The following INTS13 variants were observed in gnomAD, a reference collection of about 807,000 sequenced individuals.
INTS13 encodes asunder, spermatogenesis regulator homolog (Drosphila).
INTS13 carries 35 observed loss-of-function variants against 90.2 expected under a neutral mutation model. That is an observed-to-expected ratio of 0.39 (90% CI 0.30 to 0.51). INTS13 has a LOEUF of 0.51. INTS13 is among the 20% of genes least tolerant of loss of function. The probability of loss-of-function intolerance (pLI) is 0.80; values close to 1 mark genes in which losing one functional copy is unlikely to be tolerated. For synonymous variants in INTS13, 309 were observed against 277.1 expected (o/e 1.11, Z -1.14); for missense variants, 601 against 851.2 (o/e 0.71, Z 3.66).
intron 11 of INTS13, among the ~76,000 whole-genome samples, chr12:26,914,920 T>C (rs977731879): frequency 9.2e-5 from 14 of 152,108 alleles, no homozygotes; most frequent in African/African-American, 3.4e-4. Context: ...AGAAGACCCA[T>C]TTGCTTATTT....
At chr12:26,935,422 C>G (rs1011410143) in intron 2 of INTS13, among the ~76,000 whole-genome samples, 2 of 152,160 alleles carry the variant, frequency 1.3e-5, no homozygotes, top group African/African-American at 4.8e-5. Flanking sequence ...CGATGAAATA[C>G]CAGTTTTCCT....
intron 3 of INTS13, among the ~76,000 whole-genome samples, chr12:26,931,452 T>TAAAAGA (rs113740083): frequency 0.83 from 125,365 of 151,056 alleles, 52,407 homozygotes; most frequent in East Asian, 1. Flanking sequence ...TCAAAATAAA[T>TAAAAGA]AAAAGAAAAA....
In INTS13 at chr12:26,905,378, A is replaced by C; in HGVS notation, c.*119T>G. 1 of 855,526 alleles carries C rather than the reference A, an allele frequency of 1.2e-6. No individual in the cohort carries two copies. Among genetic ancestry groups the C allele is most frequent in the South Asian group, 1.7e-5 (1 of 57,894 alleles). The allele number at this position is 855,526 out of a possible 1,614,324, so 53.0% of individuals were successfully genotyped here. A position where few individuals can be genotyped will look rare whatever the true frequency, so the allele number is the denominator to read the frequency against. ...ACAAAAATGACAGCTGAAATATTTTAAAAATGTAAAAACCAGTCCAGGCAA... is the reference window on the plus strand; with the variant it reads ...ACAAAAATGACAGCTGAAATATTTTCAAAATGTAAAAACCAGTCCAGGCAA... On this transcript the variant is annotated 3_prime_UTR_variant, in exon 17 of 17. Transcript: ENST00000261191.
chr12:26,937,141 G>A (rs1191632479), intron 1 of INTS13, among the ~76,000 whole-genome samples: 2 of 152,126 alleles, frequency 1.3e-5, no homozygotes, highest in East Asian at 3.9e-4. Context: ...TTACATATAC[G>A]AAACATAAGT....
chr12:26,916,754 C>T (rs1016329648), intron 10 of INTS13, among the ~76,000 whole-genome samples: 1 of 152,124 alleles, frequency 6.6e-6, no homozygotes, highest in Non-Finnish European at 1.5e-5. Context: ...CTGAGATGAT[C>T]ATAAGAATTA....
intron 8 of INTS13, among the ~76,000 whole-genome samples, chr12:26,921,775 C>T (rs917517160): frequency 2.0e-5 from 3 of 152,102 alleles, no homozygotes; most frequent in Admixed American, 1.3e-4. Context: ...CCTGCTTGAG[C>T]CTCACACGTA....
chr12:26,923,755 G>A (rs187606564), intron 7 of INTS13, among the ~76,000 whole-genome samples: 1 of 152,240 alleles, frequency 6.6e-6, no homozygotes, highest in Non-Finnish European at 1.5e-5. Flanking sequence ...TTAAAACTAT[G>A]AGCTATTTTC....
At position 26,917,450 on chromosome 12, in the gene INTS13, G is replaced by A; in HGVS notation, c.980-9C>T. 4.9e-6 allele frequency: 7 copies of A among 1,433,752 alleles called. No homozygotes were observed. Among genetic ancestry groups the A allele is most frequent in the Non-Finnish European group, 5.8e-6 (6 of 1,035,952 alleles). The allele number at this position is 1,433,752 out of a possible 1,614,324, so 88.8% of individuals were successfully genotyped here. ...AGTACAATAGTGTAATTCTGAAATA[G>A]AAGAAAACACTGATTTGAAAGAATA... On this transcript the variant is annotated splice_polypyrimidine_tract_variant and intron_variant, in intron 9 of 16. Transcript: ENST00000261191.
At chr12:26,908,925 T>C (rs894350797) in intron 15 of INTS13, among the ~76,000 whole-genome samples, 2 of 152,228 alleles carry the variant, frequency 1.3e-5, no homozygotes, top group African/African-American at 2.4e-5. Flanking sequence ...TAATGATAGC[T>C]GATATTTCAT....
intron 10 of INTS13, 26 bp downstream of exon 10, chr12:26,917,326 C>A: frequency 2.2e-6 from 2 of 907,214 alleles, no homozygotes; most frequent in South Asian, 2.3e-5. Flanking sequence ...TAATTTCAGT[C>A]AAAACCATTA....
At chr12:26,919,196 A>AG (rs1348565155) in intron 8 of INTS13, 5 of 156,090 alleles carry the variant, frequency 3.2e-5, no homozygotes, top group Non-Finnish European at 7.1e-5. Context: ...AGAAAAAAAA[A>AG]AAGAAGAAGA....
At chr12:26,932,629 C>A (rs1938257077) in intron 3 of INTS13, among the ~76,000 whole-genome samples, 1 of 152,200 alleles carries the variant, frequency 6.6e-6, no homozygotes, top group Non-Finnish European at 1.5e-5. Flanking sequence ...TCTGTGCTGT[C>A]CAATACAGTA....
At position 26,916,160 on chromosome 12, in the gene INTS13, G is replaced by T. The variant is rs772226807; in HGVS notation, c.1090C>A (p.Gln364Lys). The part of the protein sequence containing the change: ...LLNGRSVLLE[Q>K]PRKSGSKVIS... ...ACTTTAGAACCTGACTTTCGTGGTT[G>T]TTCCAATAAAACAGAACGACCTGTC... is the stretch of plus-strand genomic sequence containing the variant. The change falls in exon 11 of 17, where the codon CAA (glutamine) becomes AAA (lysine). Residue 364 changes from glutamine (Q) to lysine (K), a missense_variant. Gln to Lys is a moderately conservative substitution (Grantham distance 53). Transcript: ENST00000261191. 6.2e-7 allele frequency: 1 copy of T among 1,610,804 alleles called. No individual in the cohort carries two copies. The highest frequency in any genetic ancestry group is 8.5e-7 in the Non-Finnish European group (1 of 1,178,824).
At chr12:26,933,550 C>T (rs1938309530) in intron 3 of INTS13, among the ~76,000 whole-genome samples, 1 of 152,100 alleles carries the variant, frequency 6.6e-6, no homozygotes. Flanking sequence ...CCCAAAGTAT[C>T]AGCAAGGGGC....
Position 26,910,754 on chromosome 12 carries a change from A to C in INTS13, c.1945+424T>G, listed in dbSNP as rs552935015. ...AGGTTGTAAACAGAGAATGTCCTAAACAACACCCACAAATACTTAAGAACT... is the reference window on the plus strand; with the variant it reads ...AGGTTGTAAACAGAGAATGTCCTAACCAACACCCACAAATACTTAAGAACT... On this transcript the variant is annotated intron_variant, in intron 15 of 16. Coordinates refer to ENST00000261191, the MANE Select transcript of INTS13 (RefSeq NM_018164.3). 3.9e-5 allele frequency among the ~76,000 whole-genome samples: 6 copies of C among 152,308 alleles called. No homozygotes were observed. The East Asian group carries it at 1.2e-3, about 29-fold the overall frequency.
chr12:26,906,257 T>A, intron 16 of INTS13, 45 bp downstream of exon 16: 9 of 1,545,676 alleles, frequency 5.8e-6, no homozygotes, highest in Non-Finnish European at 7.9e-6. Flanking sequence ...TAAGGTACTA[T>A]ACAGGCAATT....
chr12:26,910,251 A>G (rs1228704682), intron 15 of INTS13, among the ~76,000 whole-genome samples: 1 of 152,248 alleles, frequency 6.6e-6, no homozygotes, highest in Non-Finnish European at 1.5e-5. Context: ...TTTGTATTCA[A>G]TATCTCAGCT....
At position 26,925,713 on chromosome 12, in the gene INTS13, A is replaced by G. The variant is rs753845973; in HGVS notation, c.675+48T>C. ...TTAATGATAACCCTTCTCAGTATTT[A>G]TTATTATTAACCACAATAGTCTTTT... On this transcript the variant is annotated intron_variant, in intron 6 of 16. Transcript: ENST00000261191. 3.4e-5 allele frequency: 47 copies of G among 1,391,544 alleles called. 1 individual carries two copies. The South Asian group carries it at 5.7e-4, about 17-fold the overall frequency. The allele number at this position is 1,391,544 out of a possible 1,614,324, so 86.2% of individuals were successfully genotyped here. A position where few individuals can be genotyped will look rare whatever the true frequency, so the allele number is the denominator to read the frequency against.
At chr12:26,929,068 C>A in intron 3 of INTS13, 163 bp from the exon 4 acceptor site, 1 of 608,014 alleles carries the variant, frequency 1.6e-6, no homozygotes, top group Non-Finnish European at 2.8e-6. Context: ...AAGAATTATA[C>A]ACCATGAACA....
Sources: gnomAD v4.1 joint callset for allele counts (sites outside exome capture counted in the v4.1 genomes callset) on GRCh38, gnomAD v4.1.1 for gene constraint, MANE v1.5 for transcripts, NCBI Gene and HGNC (gene_info 2026-07-23, HGNC 2026-07-21) for gene names.